The following LACTBL1 variants were observed in gnomAD, a reference collection of about 807,000 sequenced individuals.
LACTBL1 encodes the protein lactamase beta like 1.
In LACTBL1, 29 loss-of-function variants were observed where a neutral mutation model predicts 39.6. The ratio of observed to expected loss-of-function variants is 0.73; its 90% CI spans 0.55 to 1.00. The LOEUF is 1.00. Among genes scored for constraint, LACTBL1 ranks in the 50% least tolerant of loss-of-function variants. LACTBL1 has a pLI of 0.00. For missense variants in LACTBL1, 711 were observed against 748.5 expected (o/e 0.95, Z 0.59); for synonymous variants, 361 against 360.7 (o/e 1.00, Z -0.01).
intron 4 of LACTBL1, among the ~76,000 whole-genome samples, chr1:22,957,254 C>T (rs1008667068): frequency 5.3e-5 from 8 of 152,134 alleles, no homozygotes; most frequent in African/African-American, 1.7e-4. Flanking sequence ...CATTTAGCCA[C>T]TCCCCTATTG....
chr1:22,953,737 C>T (rs1640733073), exon 6 of LACTBL1: 5 of 1,354,064 alleles, frequency 3.7e-6, no homozygotes, highest in Non-Finnish European at 4.7e-6. Context: ...CCGCCGGGGC[C>T]CGCCGCCCAG....
chr1:22,955,347 A>G (rs772693172), exon 5 of LACTBL1: 1 of 1,550,506 alleles, frequency 6.4e-7, no homozygotes, highest in South Asian at 1.2e-5. Flanking sequence ...CTACCAGCAC[A>G]TCGTCCTTGA....
chr1:22,953,337 G>T (rs1570496681), exon 6 of LACTBL1: 2 of 1,229,504 alleles, frequency 1.6e-6, no homozygotes, highest in East Asian at 3.2e-5. Flanking sequence ...GGCGCAGCTC[G>T]CCCGCCGGCC....
At chr1:22,962,603 A>G (rs1055874693) in intron 2 of LACTBL1, among the ~76,000 whole-genome samples, 1 of 151,746 alleles carries the variant, frequency 6.6e-6, no homozygotes, top group Non-Finnish European at 1.5e-5. Flanking sequence ...CAGCTTCCCT[A>G]CTTCCCACCT....
At chr1:22,970,900 G>T in the LACTBL1 span, among the ~76,000 whole-genome samples, 1 of 150,598 alleles carries the variant, frequency 6.6e-6, no homozygotes, top group African/African-American at 2.4e-5. Flanking sequence ...AGCAATTAAA[G>T]ATCCCAAAAG....
exon 6 of LACTBL1, chr1:22,953,463 G>A (rs549749169): frequency 9.0e-6 from 11 of 1,227,440 alleles, no homozygotes; most frequent in Non-Finnish European, 1.0e-5. Flanking sequence ...GCTCCAGGGC[G>A]GGCAGGAGCT....
At position 22,963,513 on chromosome 1, in the gene LACTBL1, T is replaced by C. The variant is rs549077187; in HGVS notation, c.50-297A>G. On this transcript the variant is annotated intron_variant, in intron 1 of 5. Transcript: ENST00000426928. ...CCTGTGGTCAGTGGACTTAGACCAT[T>C]CTGGCTGCGTGGGGCAGGCTCAGCC... Among the ~76,000 whole-genome samples, 53 of 152,274 alleles carry C rather than the reference T, an allele frequency of 3.5e-4. No individual in the cohort carries two copies. The South Asian group carries it at 6.8e-3, about 20-fold the overall frequency.
Position 22,963,093 on chromosome 1 carries a change from G to A in LACTBL1, c.159+14C>T. On this transcript the variant is annotated intron_variant, in intron 2 of 5. Transcript: ENST00000426928. ...CAGCCCATATGCCCAGTTTCCTCCTGGGTCATCACTGACCTTTTCCAGGGC... is the reference window on the plus strand; with the variant it reads ...CAGCCCATATGCCCAGTTTCCTCCTAGGTCATCACTGACCTTTTCCAGGGC... 2 of 1,264,874 alleles carry A rather than the reference G, an allele frequency of 1.6e-6. No homozygotes were observed. The highest frequency in any genetic ancestry group is 2.0e-6 in the Non-Finnish European group (2 of 993,102). 78.4% of individuals were successfully genotyped at this position (1,264,874 alleles called of 1,614,324 possible).
upstream of LACTBL1, among the ~76,000 whole-genome samples, chr1:22,969,964 T>C (rs1000771856): frequency 3.3e-5 from 5 of 152,190 alleles, no homozygotes; most frequent in African/African-American, 1.2e-4. Context: ...GTTCTGCAAG[T>C]TGAAAGACTT....
chr1:22,954,583 T>C (rs1023609947), intron 5 of LACTBL1, among the ~76,000 whole-genome samples: 9 of 152,218 alleles, frequency 5.9e-5, no homozygotes, highest in Admixed American at 4.6e-4. Context: ...GCCAACTTCC[T>C]TATTTTTGCA....
chr1:22,959,008 GT>G, intron 3 of LACTBL1, 88 bp from the exon 6 acceptor site: 1 of 831,660 alleles, frequency 1.2e-6, no homozygotes, highest in Non-Finnish European at 1.9e-6. Context: ...ACTTTTTAGT[GT>G]TCTAGAAAAG....
intron 2 of LACTBL1, among the ~76,000 whole-genome samples, chr1:22,961,274 T>C (rs1570501040): frequency 6.6e-6 from 1 of 152,198 alleles, no homozygotes; most frequent in East Asian, 1.9e-4. Context: ...GCCTATGAGA[T>C]ATGAGGTGAC....
At chr1:22,964,120 A>G (rs1207007394) in intron 1 of LACTBL1, among the ~76,000 whole-genome samples, 1 of 152,094 alleles carries the variant, frequency 6.6e-6, no homozygotes, top group Non-Finnish European at 1.5e-5. Flanking sequence ...TATTTTTAGT[A>G]AAGCCAAGGT....
chr1:22,961,669 G>A (rs1044602694), intron 2 of LACTBL1, among the ~76,000 whole-genome samples: 10 of 149,572 alleles, frequency 6.7e-5, no homozygotes, highest in African/African-American at 2.0e-4. Flanking sequence ...TGGCCCCTAC[G>A]TCTTAATTAA....
chr1:22,953,902 G>A, exon 6 of LACTBL1: 3 of 1,550,246 alleles, frequency 1.9e-6, no homozygotes, highest in East Asian at 2.4e-5. Context: ...GTCAAAGCCC[G>A]TGTCTGCCAT....
intron 5 of LACTBL1, among the ~76,000 whole-genome samples, chr1:22,954,762 T>C (rs918464395): frequency 6.6e-6 from 1 of 152,168 alleles, no homozygotes; most frequent in African/African-American, 2.4e-5. Flanking sequence ...AAGTGGGGCC[T>C]GAGGTTCAGC....
At chr1:22,956,373 A>C (rs1557770093) in intron 4 of LACTBL1, among the ~76,000 whole-genome samples, 1 of 152,052 alleles carries the variant, frequency 6.6e-6, no homozygotes, top group African/African-American at 2.4e-5. Context: ...CCTGCCAAAA[A>C]AAGGAGAAGG....
intron 1 of LACTBL1, among the ~76,000 whole-genome samples, chr1:22,964,997 C>T (rs141693726): frequency 2.3e-4 from 35 of 152,258 alleles, no homozygotes; most frequent in African/African-American, 8.4e-4. Context: ...AGGGAAACAC[C>T]GTTTGCTCTT....
chr1:22,960,980 G>A (rs1326767862), intron 2 of LACTBL1, among the ~76,000 whole-genome samples: 9 of 152,050 alleles, frequency 5.9e-5, no homozygotes, highest in African/African-American at 9.7e-5. Flanking sequence ...GCGTCTCACC[G>A]TGTAGACCAG....
Sources: gnomAD v4.1 joint callset for allele counts (sites outside exome capture counted in the v4.1 genomes callset) on GRCh38, gnomAD v4.1.1 for gene constraint, MANE v1.5 for transcripts, NCBI Gene and HGNC (gene_info 2026-07-23, HGNC 2026-07-21) for gene names.